Variants in SVOPL observed in about 807,000 individuals in gnomAD.
SVOPL encodes the protein putative transporter SVOPL.
Under a neutral mutation model 61.0 loss-of-function variants are expected in SVOPL, and 60 were observed. The observed-to-expected ratio is 0.98, with a 90% confidence interval of 0.80 to 1.22. The LOEUF is 1.22. SVOPL is among the 50% of genes most tolerant of loss of function. The pLI is 0.00. For missense variants in SVOPL, 662 were observed against 643.9 expected, an observed-to-expected ratio of 1.03 and a Z score of -0.30; for synonymous variants, 279 against 250.0, an observed-to-expected ratio of 1.12 and a Z score of -1.09.
intron 14 of SVOPL, among the ~76,000 whole-genome samples, chr7:138,608,927 T>C (rs1190912014): frequency 1.3e-5 from 2 of 152,148 alleles, no homozygotes; most frequent in African/African-American, 4.8e-5. Context: ...TCAGAAAAAC[T>C]GCTAAAAATC....
At chr7:138,626,403 C>CT (rs1264036783) in intron 12 of SVOPL, among the ~76,000 whole-genome samples, 4 of 152,082 alleles carry the variant, frequency 2.6e-5, no homozygotes, top group Admixed American at 6.6e-5. Context: ...CATAGTAAGA[C>CT]TTTTTTTAAG....
intron 3 of SVOPL, among the ~76,000 whole-genome samples, chr7:138,674,855 CAA>C (rs34086254): frequency 0.011 from 1,426 of 134,414 alleles, 40 homozygotes; most frequent in African/African-American, 0.034. Flanking sequence ...GACTCCATCT[CAA>C]AAAAAAAAAA....
At chr7:138,669,013 G>C (rs559955266) in intron 4 of SVOPL, among the ~76,000 whole-genome samples, 2 of 152,300 alleles carry the variant, frequency 1.3e-5, no homozygotes, top group East Asian at 3.9e-4. Context: ...ATACAACAAA[G>C]ACTGGCCTTT....
chr7:138,595,658 C>T (rs1022307028), intron 15 of SVOPL, among the ~76,000 whole-genome samples: 1 of 152,162 alleles, frequency 6.6e-6, no homozygotes, highest in African/African-American at 2.4e-5. Context: ...CTCCTTTATA[C>T]AAGTTGCTCG....
chr7:138,603,494 G>A (rs867251114), intron 14 of SVOPL, among the ~76,000 whole-genome samples: 59 of 152,226 alleles, frequency 3.9e-4, no homozygotes, highest in Middle Eastern at 3.4e-3. Context: ...GACCAGCCTG[G>A]CCAACACAGT....
intron 14 of SVOPL, among the ~76,000 whole-genome samples, chr7:138,620,119 G>GTTTTTTTTTTTTTT (rs375556204): frequency 7.0e-5 from 8 of 114,586 alleles, no homozygotes; most frequent in African/African-American, 9.4e-5. Context: ...TTTTTTTTCT[G>GTTTTTTTTTTTTTT]TTTTGTTTTT....
chr7:138,657,400 C>G (rs1415526786), intron 6 of SVOPL, among the ~76,000 whole-genome samples: 1 of 151,968 alleles, frequency 6.6e-6, no homozygotes, highest in East Asian at 1.9e-4. Flanking sequence ...CCTTGGTTTC[C>G]TAAAGGGCTG....
chr7:138,676,495 T>C (rs1802564850), intron 3 of SVOPL, among the ~76,000 whole-genome samples: 1 of 152,152 alleles, frequency 6.6e-6, no homozygotes, highest in Non-Finnish European at 1.5e-5. Context: ...AAACTCCTGC[T>C]GCATGAAGCC....
chr7:138,678,488 A>G lies in SVOPL; in HGVS notation c.120T>C (p.Thr40=). ...CAATGTGGAAACGCCCGAAGCCGAT[A>G]GTCTCCACTGCATCTTCCACGGTGA... ...KTFTVEDAVE[T]IGFGRFHIAL... The change falls in exon 3 of 16, where the codon ACT becomes ACC. Residue 40 remains threonine, a synonymous_variant. Coordinates refer to ENST00000674285, the MANE Select transcript of SVOPL (RefSeq NM_001139456.2). 1 of 1,552,180 alleles carries G rather than the reference A, an allele frequency of 6.4e-7. No homozygotes were observed. Among genetic ancestry groups the G allele is most frequent in the Non-Finnish European group, 8.7e-7 (1 of 1,147,098 alleles).
At chr7:138,662,285 A>G (rs966419172) in intron 5 of SVOPL, 8 of 985,322 alleles carry the variant, frequency 8.1e-6, no homozygotes, top group Non-Finnish European at 9.6e-6. Flanking sequence ...CACAGGCTTT[A>G]AAACTTGCAT....
Position 138,594,552 on chromosome 7 carries a change from C to G in SVOPL, c.*58G>C. On this transcript the variant is annotated 3_prime_UTR_variant, in exon 16 of 16. Coordinates refer to ENST00000674285, the MANE Select transcript of SVOPL (RefSeq NM_001139456.2). Reference sequence around the variant, plus strand: ...AAAACCAAGTTTTAAAAAAATGCACCGCAGTTCTGAAGATAGAATTCATTT... The same window carrying G: ...AAAACCAAGTTTTAAAAAAATGCACGGCAGTTCTGAAGATAGAATTCATTT... 2.0e-6 allele frequency: 3 copies of G among 1,537,420 alleles called. No individual in the cohort carries two copies. The South Asian group carries it at 3.6e-5, about 19-fold the overall frequency.
rs568629313 is a variant in SVOPL, at chr7:138,657,600, C to T, written c.471-1089G>A. Among the ~76,000 whole-genome samples the T allele has an allele frequency of 1.6e-4, 24 of 152,276 alleles. 1 individual carries two copies. In the South Asian group the frequency reaches 5.0e-3, roughly 32 times the overall value. The stretch of plus-strand genomic sequence containing the variant: ...AATAGAAACATATTCCATCAGTTTT[C>T]TAATTGCTCTTCTCTGTTGCTGTTG... On this transcript the variant is annotated intron_variant, in intron 6 of 15. Coordinates refer to ENST00000674285, the MANE Select transcript of SVOPL (RefSeq NM_001139456.2).
At chr7:138,639,321 C>T (rs886250823) in intron 9 of SVOPL, among the ~76,000 whole-genome samples, 1 of 149,920 alleles carries the variant, frequency 6.7e-6, no homozygotes, top group Non-Finnish European at 1.5e-5. Context: ...GTAAGTGGGT[C>T]CAACTCATTA....
At chr7:138,628,952 T>A (rs1800026310) in intron 10 of SVOPL, among the ~76,000 whole-genome samples, 1 of 152,096 alleles carries the variant, frequency 6.6e-6, no homozygotes, top group African/African-American at 2.4e-5. Context: ...GCAGGAAGAT[T>A]GCTTGAGGCC....
intron 9 of SVOPL, 40 bp downstream of exon 9, chr7:138,644,677 C>T (rs1359588689): frequency 3.1e-6 from 5 of 1,605,450 alleles, no homozygotes; most frequent in Non-Finnish European, 4.3e-6. Context: ...TTCCCAGTGG[C>T]CACTGGTGAT....
intron 1 of SVOPL, among the ~76,000 whole-genome samples, chr7:138,682,104 T>C (rs1314937158): frequency 6.6e-6 from 1 of 152,220 alleles, no homozygotes; most frequent in East Asian, 1.9e-4. Flanking sequence ...GGGAAAATTA[T>C]TTGTGAATAA....
chr7:138,635,536 C>A (rs1052066837), intron 9 of SVOPL, among the ~76,000 whole-genome samples: 1 of 151,838 alleles, frequency 6.6e-6, no homozygotes, highest in Non-Finnish European at 1.5e-5. Context: ...CCACACCCAG[C>A]CAGGAGTTTT....
At position 138,594,591 on chromosome 7, in the gene SVOPL, G is replaced by T; in HGVS notation, c.*19C>A. The T allele has an allele frequency of 6.3e-7, 1 of 1,594,916 alleles. No homozygotes were observed. Among genetic ancestry groups the T allele is most frequent in the Non-Finnish European group, 8.5e-7 (1 of 1,171,868 alleles). On this transcript the variant is annotated 3_prime_UTR_variant, in exon 16 of 16. Transcript: ENST00000674285. ...TAGAATTCATTTTTCTCATCTGGTA[G>T]ACATAGCTTTGCAGGTCTTCATTTA...
chr7:138,639,518 T>C (rs1409142256), intron 9 of SVOPL, among the ~76,000 whole-genome samples: 1 of 151,666 alleles, frequency 6.6e-6, no homozygotes. Flanking sequence ...TCCCAGCTAC[T>C]TGGGAGGCCG....
Sources: allele counts gnomAD v4.1 joint callset (sites outside exome capture counted in the v4.1 genomes callset), GRCh38; gene constraint gnomAD v4.1.1; transcripts MANE v1.5; gene names NCBI Gene and HGNC (gene_info 2026-07-23, HGNC 2026-07-21).